The following OBI1 variants were observed in gnomAD, a reference collection of about 807,000 sequenced individuals.
The protein encoded by OBI1 is ring finger protein 219.
In OBI1, 59 loss-of-function variants were observed where a neutral mutation model predicts 62.4. The ratio of observed to expected loss-of-function variants is 0.95; its 90% CI spans 0.77 to 1.17. The LOEUF (loss-of-function observed/expected upper bound fraction) is 1.17. OBI1 is among the 50% of genes most tolerant of loss of function. The pLI, the probability that OBI1 is intolerant of heterozygous loss-of-function variation, is 0.00. For missense variants in OBI1, 875 were observed against 830.9 expected (o/e 1.05, Z -0.65); for synonymous variants, 302 against 292.8 (o/e 1.03, Z -0.32).
At chr13:78,658,976 C>T in intron 1 of OBI1, 73 bp downstream of exon 1, 1 of 1,399,564 alleles carries the variant, frequency 7.1e-7, no homozygotes, top group South Asian at 1.2e-5. Context: ...CGCCCCCGCA[C>T]GAGACGGCCC....
intron 5 of OBI1, among the ~76,000 whole-genome samples, chr13:78,634,387 C>T (rs781589176): frequency 9.9e-5 from 15 of 152,022 alleles, no homozygotes; most frequent in Non-Finnish European, 2.1e-4. Context: ...CTCTGCCTCC[C>T]GGACTCAAGT....
At chr13:78,637,009 A>T (rs1566281659) in intron 4 of OBI1, among the ~76,000 whole-genome samples, 3 of 152,232 alleles carry the variant, frequency 2.0e-5, no homozygotes, top group Non-Finnish European at 2.9e-5. Context: ...TAGGTGAATA[A>T]AAGTTATGAA....
At chr13:78,651,870 T>C (rs1593802041) in intron 1 of OBI1, among the ~76,000 whole-genome samples, 1 of 152,096 alleles carries the variant, frequency 6.6e-6, no homozygotes, top group East Asian at 1.9e-4. Context: ...TTAATAAAAG[T>C]GAATTTTGAT....
intron 1 of OBI1, among the ~76,000 whole-genome samples, chr13:78,651,858 G>C (rs1229714940): frequency 6.6e-6 from 1 of 152,112 alleles, no homozygotes; most frequent in Non-Finnish European, 1.5e-5. Context: ...ACAACTGCAA[G>C]ATTAATAAAA....
intron 5 of OBI1, among the ~76,000 whole-genome samples, chr13:78,620,291 C>T (rs188687322): frequency 2.6e-4 from 39 of 152,308 alleles, no homozygotes; most frequent in Non-Finnish European, 1.5e-4. Flanking sequence ...TTTGTATTCA[C>T]ACTAATTCTA....
intron 1 of OBI1, among the ~76,000 whole-genome samples, chr13:78,655,301 T>C (rs1242795794): frequency 6.6e-6 from 1 of 151,722 alleles, no homozygotes; most frequent in Non-Finnish European, 1.5e-5. Context: ...AGATCATTAC[T>C]ACATTTCTGC....
chr13:78,642,886 C>CA lies in OBI1; in HGVS notation c.209-674dup, dbSNP rs34161628. The stretch of plus-strand genomic sequence containing the variant: ...TGGGCGACAAAGCGAGACTCCGTCT[C>CA]AAAAAAAAAAAAAGTATTACTGCTA... On this transcript the variant is annotated intron_variant, in intron 2 of 5. Transcript: ENST00000282003. Among the ~76,000 whole-genome samples, 391 of 143,940 alleles carry CA rather than the reference C, an allele frequency of 2.7e-3. 1 individual carries two copies. Among genetic ancestry groups the CA allele is most frequent in the Middle Eastern group, 7.2e-3 (2 of 276 alleles). The allele number at this position is 143,940 out of a possible 152,430, so 94.4% of individuals were successfully genotyped here. A position where few individuals can be genotyped will look rare whatever the true frequency, so the allele number is the denominator to read the frequency against.
intron 3 of OBI1, among the ~76,000 whole-genome samples, chr13:78,640,349 A>G (rs1166731699): frequency 1.3e-5 from 2 of 152,170 alleles, no homozygotes; most frequent in African/African-American, 4.8e-5. Flanking sequence ...ATCTTTCCAT[A>G]CATTTTAAGT....
chr13:78,651,226 C>T (rs1386533578), intron 1 of OBI1, among the ~76,000 whole-genome samples: 1 of 152,156 alleles, frequency 6.6e-6, no homozygotes, highest in Non-Finnish European at 1.5e-5. Flanking sequence ...GGTTCTCATT[C>T]TTTTGTCTTT....
At chr13:78,649,071 G>C (rs999733872) in intron 1 of OBI1, among the ~76,000 whole-genome samples, 5 of 152,158 alleles carry the variant, frequency 3.3e-5, no homozygotes, top group Non-Finnish European at 5.9e-5. Flanking sequence ...TTTCGCACAA[G>C]GTAAAAATCA....
intron 5 of OBI1, among the ~76,000 whole-genome samples, chr13:78,633,023 C>T (rs1225997776): frequency 2.6e-5 from 4 of 152,220 alleles, no homozygotes; most frequent in African/African-American, 7.2e-5. Flanking sequence ...TTAAAACACA[C>T]ATCCTTGTGG....
intron 1 of OBI1, among the ~76,000 whole-genome samples, chr13:78,652,521 T>C (rs896737194): frequency 1.3e-5 from 2 of 151,958 alleles, no homozygotes; most frequent in African/African-American, 4.8e-5. Context: ...AAAATGGCAA[T>C]GGTAAGTGAC....
At chr13:78,633,919 T>A (rs1387663795) in intron 5 of OBI1, among the ~76,000 whole-genome samples, 1 of 151,650 alleles carries the variant, frequency 6.6e-6, no homozygotes, top group Non-Finnish European at 1.5e-5. Flanking sequence ...TACAAAAAAT[T>A]AGCCGGGCGA....
chr13:78,652,178 T>C lies in OBI1; in HGVS notation c.72+6871A>G, dbSNP rs1172087271. ...ATTTCTTTGGAAATGAATATTGGAA[T>C]GAGTATTTATCAGATGATGATTTCT... On this transcript the variant is annotated intron_variant, in intron 1 of 5. Transcript: ENST00000282003. 2.6e-5 allele frequency among the ~76,000 whole-genome samples: 4 copies of C among 152,192 alleles called. 1 individual carries two copies. The East Asian group carries it at 7.7e-4, about 29-fold the overall frequency.
intron 1 of OBI1, among the ~76,000 whole-genome samples, chr13:78,658,695 C>A (rs1478695680): frequency 1.3e-5 from 2 of 152,152 alleles, no homozygotes; most frequent in Admixed American, 6.5e-5. Context: ...ACACGCCACG[C>A]GAGGCTGCAG....
chr13:78,657,966 G>A (rs1876759261), intron 1 of OBI1, among the ~76,000 whole-genome samples: 1 of 152,184 alleles, frequency 6.6e-6, no homozygotes, highest in East Asian at 1.9e-4. Context: ...CAGCACATTT[G>A]CTATTTCATT....
At chr13:78,641,915 G>GA (rs1297370097) in intron 3 of OBI1, among the ~76,000 whole-genome samples, 2 of 146,576 alleles carry the variant, frequency 1.4e-5, no homozygotes, top group Non-Finnish European at 3.0e-5. Flanking sequence ...GGTACTTAAA[G>GA]AAAAAAAATA....
Position 78,614,397 on chromosome 13 carries a change from C to A in OBI1, c.*1183G>T, listed in dbSNP as rs1875169864. 1 of 152,568 alleles carries A rather than the reference C, an allele frequency of 6.6e-6. No individual in the cohort carries two copies. Among genetic ancestry groups the A allele is most frequent in the Non-Finnish European group, 1.5e-5 (1 of 68,048 alleles). The allele number at this position is 152,568 out of a possible 1,614,324, so 9.5% of individuals were successfully genotyped here. On this transcript the variant is annotated 3_prime_UTR_variant, in exon 6 of 6. Transcript: ENST00000282003. ...TGTTCAGTGCACATTAAACAGCATA[C>A]ATACCCATTTTTAAAGACCTATATA...
Position 78,615,762 on chromosome 13 carries a change from T to C in OBI1, c.1999A>G (p.Arg667Gly), listed in dbSNP as rs1566273109. Residue 667 changes from arginine to glycine, a missense_variant, in exon 6 of 6, where the codon AGA becomes GGA. Physicochemically the swap from Arg to Gly is moderately radical, Grantham distance 125. Transcript: ENST00000282003. ...SSSHRLFEDQ[R>G]FGSSLFKMSS... is the part of the protein sequence containing the mutation. ...ATCTTAAACAAAGATGACCCAAATC[T>C]TTGATCTTCAAATAGTCGATGTGAA... 1 of 1,613,906 alleles carries C rather than the reference T, an allele frequency of 6.2e-7. No individual in the cohort carries two copies. Among genetic ancestry groups the C allele is most frequent in the Non-Finnish European group, 8.5e-7 (1 of 1,179,954 alleles).
Sources: gnomAD v4.1 joint callset for allele counts (sites outside exome capture counted in the v4.1 genomes callset) on GRCh38, gnomAD v4.1.1 for gene constraint, MANE v1.5 for transcripts, NCBI Gene and HGNC (gene_info 2026-07-23, HGNC 2026-07-21) for gene names.